MRC1: variants seen among roughly 807,000 people sequenced by gnomAD.
MRC1 encodes macrophage mannose receptor 1.
MRC1 carries 62 observed loss-of-function variants against 102.9 expected under a neutral mutation model. The ratio of observed to expected loss-of-function variants is 0.60; its 90% CI spans 0.49 to 0.74. MRC1 has a LOEUF of 0.74. Among genes scored for constraint, MRC1 ranks in the 30% least tolerant of loss-of-function variants. The pLI is 0.00. For synonymous variants in MRC1, 457 were observed against 298.4 expected (o/e 1.53, Z -5.48); for missense variants, 1,237 against 862.8 (o/e 1.43, Z -5.43).
intron 9 of MRC1, among the ~76,000 whole-genome samples, chr10:17,859,363 G>A (rs1279667945): frequency 1.3e-5 from 2 of 152,118 alleles, no homozygotes; most frequent in Non-Finnish European, 2.9e-5. Flanking sequence ...TGTTGCCCAG[G>A]CTGGCATGCA....
At chr10:17,853,600 GTATATATATA>G (rs1215208967) in intron 8 of MRC1, among the ~76,000 whole-genome samples, 2,702 of 127,652 alleles carry the variant, frequency 0.021, 76 homozygotes, top group African/African-American at 0.072. Flanking sequence ...GTGTGTGTGT[GTATATATATA>G]TATATGTAAA....
chr10:17,828,154 G>GC (rs1347509039), intron 3 of MRC1, among the ~76,000 whole-genome samples: 3 of 152,166 alleles, frequency 2.0e-5, no homozygotes, highest in Non-Finnish European at 4.4e-5. Flanking sequence ...TCCACTCACT[G>GC]CAAGCTCCGC....
At chr10:17,831,215 A>C (rs892640122) in intron 3 of MRC1, among the ~76,000 whole-genome samples, 1 of 151,008 alleles carries the variant, frequency 6.6e-6, no homozygotes, top group Non-Finnish European at 1.5e-5. Context: ...ATTATAAACA[A>C]AACCTTCCTC....
At chr10:17,814,329 A>G (rs1838272567) in intron 1 of MRC1, among the ~76,000 whole-genome samples, 1 of 152,242 alleles carries the variant, frequency 6.6e-6, no homozygotes, top group Non-Finnish European at 1.5e-5. Flanking sequence ...AAGGACTTAG[A>G]TCCCTTTATC....
At position 17,809,430 on chromosome 10, in the gene MRC1, T is replaced by C. The variant is rs1838189110; in HGVS notation, c.-36T>C. 2 of 872,458 alleles carry C rather than the reference T, an allele frequency of 2.3e-6. No individual in the cohort carries two copies. The highest frequency in any genetic ancestry group is 2.4e-5 in the East Asian group (1 of 41,710). The allele number at this position is 872,458 out of a possible 1,614,324, so 54.0% of individuals were successfully genotyped here. ...GTTTTGCGTCTTAGTTCCGCCCTCCTGTCCATCAGGAGAAGGAAAGGATAA... is the reference window on the plus strand; with the variant it reads ...GTTTTGCGTCTTAGTTCCGCCCTCCCGTCCATCAGGAGAAGGAAAGGATAA... On this transcript the variant is annotated 5_prime_UTR_variant, in exon 1 of 30. Coordinates refer to ENST00000569591, the MANE Select transcript of MRC1 (RefSeq NM_002438.4).
At chr10:17,815,580 C>T (rs979450790) in intron 1 of MRC1, among the ~76,000 whole-genome samples, 1 of 151,988 alleles carries the variant, frequency 6.6e-6, no homozygotes, top group African/African-American at 2.4e-5. Context: ...AGCGAATGGC[C>T]CCGGGAAGGT....
In MRC1 at chr10:17,879,256, G is replaced by A. The variant is rs1022385013; in HGVS notation, c.2619-465G>A. On this transcript the variant is annotated intron_variant, in intron 18 of 29. Transcript: ENST00000569591. The stretch of plus-strand genomic sequence containing the variant: ...TTGCTACTGCGGAGCATGATGCATA[G>A]GACACACCACATACTCAGGCATTGG... 2.0e-5 allele frequency among the ~76,000 whole-genome samples: 3 copies of A among 152,176 alleles called. No individual in the cohort carries two copies. The South Asian group carries it at 6.2e-4, about 32-fold the overall frequency.
At chr10:17,863,736 A>G in intron 11 of MRC1, 54 bp downstream of exon 11, 1 of 767,640 alleles carries the variant, frequency 1.3e-6, no homozygotes, top group East Asian at 2.4e-5. Flanking sequence ...TCTGTTAGAT[A>G]AAGTCTGTTA....
At chr10:17,848,402 G>A (rs1193611242) in intron 6 of MRC1, among the ~76,000 whole-genome samples, 1 of 152,056 alleles carries the variant, frequency 6.6e-6, no homozygotes, top group East Asian at 1.9e-4. Context: ...CCTGTGCCAG[G>A]CTCAAGGCAA....
Position 17,908,667 on chromosome 10 carries a change from C to G in MRC1, c.4079-639C>G, listed in dbSNP as rs1378742815. On this transcript the variant is annotated intron_variant, in intron 28 of 29. Transcript: ENST00000569591. ...CACTGCAACCTCCACCTCCTGGGTT[C>G]AAGCCATTCTCCTGCCTCAGCCTCC... 6.6e-5 allele frequency among the ~76,000 whole-genome samples: 10 copies of G among 152,176 alleles called. No individual in the cohort carries two copies. The East Asian group carries it at 1.9e-3, about 29-fold the overall frequency.
At chr10:17,876,478 C>A (rs1259858391) in intron 17 of MRC1, among the ~76,000 whole-genome samples, 1 of 152,190 alleles carries the variant, frequency 6.6e-6, no homozygotes, top group African/African-American at 2.4e-5. Flanking sequence ...GAACTCCTGA[C>A]CTTAAGTGAT....
intron 17 of MRC1, among the ~76,000 whole-genome samples, chr10:17,876,009 A>G (rs1833431491): frequency 6.6e-6 from 1 of 152,148 alleles, no homozygotes; most frequent in African/African-American, 2.4e-5. Context: ...CATTTCTCTG[A>G]TAATTTGTGA....
Position 17,833,857 on chromosome 10 carries a change from CTCAAGTAAAA to C in MRC1, c.802+22_802+31del. 1.3e-6 allele frequency: 1 copy of C among 780,350 alleles called. No homozygotes were observed. Among genetic ancestry groups the C allele is most frequent in the Non-Finnish European group, 2.4e-6 (1 of 417,802 alleles). The allele number at this position is 780,350 out of a possible 1,614,324, so 48.3% of individuals were successfully genotyped here. A position where few individuals can be genotyped will look rare whatever the true frequency, so the allele number is the denominator to read the frequency against. On this transcript the variant is annotated intron_variant, in intron 4 of 29. Coordinates refer to ENST00000569591, the MANE Select transcript of MRC1 (RefSeq NM_002438.4). ...CCTGACAGGTAAGGACATGAAAAGT[CTCAAGTAAAA>C]TCATGACTGCTTTATTTTTATATAA...
chr10:17,909,189 A>T, intron 28 of MRC1, 117 bp from the exon 29 acceptor site: 1 of 701,340 alleles, frequency 1.4e-6, no homozygotes, highest in South Asian at 1.6e-5. Context: ...ATAATATCAT[A>T]TATCAATCAA....
chr10:17,879,641 G>C, intron 18 of MRC1, 80 bp from the exon 19 acceptor site: 1 of 780,572 alleles, frequency 1.3e-6, no homozygotes, highest in South Asian at 1.3e-5. Flanking sequence ...GGGATTACAG[G>C]CGTGAGCCAC....
At chr10:17,866,327 A>T (rs190575685) in intron 11 of MRC1, among the ~76,000 whole-genome samples, 1 of 152,206 alleles carries the variant, frequency 6.6e-6, no homozygotes, top group Non-Finnish European at 1.5e-5. Context: ...GAGAAGCAGT[A>T]AACTATTTTT....
At chr10:17,838,712 G>A (rs899891867) in intron 4 of MRC1, among the ~76,000 whole-genome samples, 9 of 152,138 alleles carry the variant, frequency 5.9e-5, no homozygotes, top group African/African-American at 2.2e-4. Flanking sequence ...AGTGGCTCAC[G>A]CCTGTAACCC....
At chr10:17,829,018 C>G (rs1425358211) in intron 3 of MRC1, among the ~76,000 whole-genome samples, 1 of 151,410 alleles carries the variant, frequency 6.6e-6, no homozygotes, top group Non-Finnish European at 1.5e-5. Flanking sequence ...CTTCTTACCC[C>G]CGACCTCTCA....
intron 1 of MRC1, among the ~76,000 whole-genome samples, chr10:17,819,372 A>G (rs991183952): frequency 6.6e-6 from 1 of 152,040 alleles, no homozygotes; most frequent in African/African-American, 2.4e-5. Context: ...GAGCCAAACC[A>G]TGGTGGCTTG....
Sources: allele counts gnomAD v4.1 joint callset (sites outside exome capture counted in the v4.1 genomes callset), GRCh38; gene constraint gnomAD v4.1.1; transcripts MANE v1.5; gene names NCBI Gene and HGNC (gene_info 2026-07-23, HGNC 2026-07-21).